RBFOX3: variants seen among roughly 807,000 people sequenced by gnomAD.
RBFOX3 encodes the protein RNA binding fox-1 homolog 3.
Under a neutral mutation model 48.7 loss-of-function variants are expected in RBFOX3, and 17 were observed. That is an observed-to-expected ratio of 0.35 (90% CI 0.24 to 0.52). RBFOX3 has a LOEUF of 0.52. Ranked by LOEUF, RBFOX3 falls within the 20% of genes least tolerant of loss-of-function variation. RBFOX3 has a pLI of 0.94. For missense variants in RBFOX3, 382 were observed against 497.5 expected, an observed-to-expected ratio of 0.77 and a Z score of 2.21; for synonymous variants, 212 against 209.5, an observed-to-expected ratio of 1.01 and a Z score of -0.10.
Position 79,535,086 on chromosome 17 carries a change from A to T in RBFOX3, c.-319-52488T>A, listed in dbSNP as rs1409850518. On this transcript the variant is annotated intron_variant, in intron 1 of 14. Transcript: ENST00000693108. The surrounding 1 kb of genome is among the most constrained non-coding windows in gnomAD (Gnocchi z 4.5). ...AGCCACGAGGAAGCGTGCCAGTCAC[A>T]TGACGGGAAGTCCAGGCTGTGGCAG... Among the ~76,000 whole-genome samples the T allele has an allele frequency of 6.6e-6, 1 of 152,226 alleles. No individual in the cohort carries two copies. The highest frequency in any genetic ancestry group is 1.5e-5 in the Non-Finnish European group (1 of 68,044).
At chr17:79,293,989 G>T (rs939053839) in intron 3 of RBFOX3, among the ~76,000 whole-genome samples, 1 of 152,190 alleles carries the variant, frequency 6.6e-6, no homozygotes, top group East Asian at 1.9e-4. Context: ...TAGGGCAGGG[G>T]AAGCAATGAC....
chr17:79,627,957 C>T, the RBFOX3 span, among the ~76,000 whole-genome samples: 2 of 150,858 alleles, frequency 1.3e-5, no homozygotes. Flanking sequence ...TCTGTTTGAG[C>T]CCCCATCACT....
intron 3 of RBFOX3, among the ~76,000 whole-genome samples, chr17:79,247,076 T>C (rs551005121): frequency 6.6e-6 from 1 of 152,316 alleles, no homozygotes; most frequent in South Asian, 2.1e-4. Flanking sequence ...TATTCATTCC[T>C]CTAAGATTTT....
intron 2 of RBFOX3, among the ~76,000 whole-genome samples, chr17:79,466,827 C>T (rs77335362): frequency 0.14 from 20,746 of 151,986 alleles, 1,697 homozygotes; most frequent in Middle Eastern, 0.22. Flanking sequence ...AGAGTGCAGC[C>T]GATGAGAGGC....
chr17:79,290,223 G>A (rs1037613304), intron 3 of RBFOX3, among the ~76,000 whole-genome samples: 1 of 152,082 alleles, frequency 6.6e-6, no homozygotes, highest in Non-Finnish European at 1.5e-5. Flanking sequence ...CCTTGTGAAG[G>A]AGGCCTCTTG....
At chr17:79,633,236 C>G in the RBFOX3 span, among the ~76,000 whole-genome samples, 1 of 152,264 alleles carries the variant, frequency 6.6e-6, no homozygotes, top group East Asian at 1.9e-4. Flanking sequence ...ACTCAGCCAC[C>G]TGGGGCTCCT....
At chr17:79,258,644 T>C (rs1430897231) in intron 3 of RBFOX3, among the ~76,000 whole-genome samples, 2 of 152,120 alleles carry the variant, frequency 1.3e-5, no homozygotes. Context: ...ACAGGGAACG[T>C]GGCGAAGTTC....
chr17:79,093,436 C>A (rs2074384528), intron 14 of RBFOX3, among the ~76,000 whole-genome samples: 1 of 152,042 alleles, frequency 6.6e-6, no homozygotes, highest in Non-Finnish European at 1.5e-5. Context: ...CACGGAGGGC[C>A]CAAGAGCCAG....
At chr17:79,232,599 C>G (rs1013960223) in intron 4 of RBFOX3, among the ~76,000 whole-genome samples, 2 of 152,192 alleles carry the variant, frequency 1.3e-5, no homozygotes, top group African/African-American at 4.8e-5. Flanking sequence ...AAATAAACCT[C>G]AATCTATAGC....
At chr17:79,554,372 T>C (rs2091427968) in intron 1 of RBFOX3, among the ~76,000 whole-genome samples, 2 of 147,880 alleles carry the variant, frequency 1.4e-5, no homozygotes. Context: ...CTCTCCATCC[T>C]CACTCACAGT....
chr17:79,232,218 T>G (rs2061120011), intron 4 of RBFOX3, among the ~76,000 whole-genome samples: 1 of 152,150 alleles, frequency 6.6e-6, no homozygotes, highest in African/African-American at 2.4e-5. Context: ...ACTTATAGAT[T>G]CAATTCAATC....
chr17:79,334,137 A>G (rs1172171213), intron 2 of RBFOX3, among the ~76,000 whole-genome samples: 11 of 152,062 alleles, frequency 7.2e-5, no homozygotes, highest in Non-Finnish European at 1.6e-4. Flanking sequence ...TGTTTCTACC[A>G]TCCACCCATT....
In RBFOX3 at chr17:79,423,840, G is replaced by C. The variant is rs62061670; in HGVS notation, c.-175+58614C>G. 0.038 allele frequency: 5,785 copies of C among 153,844 alleles called. 157 individuals are homozygous for C. Among genetic ancestry groups the C allele is most frequent in the South Asian group, 0.068 (329 of 4,826 alleles). 9.5% of individuals were successfully genotyped at this position (153,844 alleles called of 1,614,324 possible). On this transcript the variant is annotated intron_variant, in intron 2 of 14. Coordinates refer to ENST00000693108, the MANE Select transcript of RBFOX3 (RefSeq NM_001350451.2). The surrounding 1 kb of genome is among the most constrained non-coding windows in gnomAD (Gnocchi z 4.9). ...ACCCCATCCCGGATGCCCAGTCCAG[G>C]CGCACACTCAGTCATGTGCTACCCA... is the stretch of plus-strand genomic sequence containing the variant.
chr17:79,437,060 G>A (rs141869558), intron 2 of RBFOX3, among the ~76,000 whole-genome samples: 14 of 152,240 alleles, frequency 9.2e-5, no homozygotes, highest in African/African-American at 3.1e-4. Flanking sequence ...AGGCCGCCCC[G>A]ATTCCCTTCT....
rs1005792414 is a variant in RBFOX3 at position 79,307,840 on chromosome 17, A to T, written c.-174-16T>A. The T allele has an allele frequency of 3.9e-5, 6 of 153,802 alleles. No individual in the cohort carries two copies. Among genetic ancestry groups the T allele is most frequent in the Admixed American group, 1.3e-4 (2 of 15,290 alleles). The allele number at this position is 153,802 out of a possible 1,614,324, so 9.5% of individuals were successfully genotyped here. ...TGACTTCAAGCTGCATTTCAAAAAG[A>T]AAACAAGAGAACAAAACGGTGTTCA... On this transcript the variant is annotated splice_polypyrimidine_tract_variant and intron_variant, in intron 2 of 14. Transcript: ENST00000693108.
chr17:79,230,986 C>T (rs982392033), intron 4 of RBFOX3, among the ~76,000 whole-genome samples: 5 of 151,960 alleles, frequency 3.3e-5, no homozygotes, highest in South Asian at 4.2e-4. Context: ...AGACACTGGA[C>T]GAGATACAGT....
At chr17:79,524,381 T>C (rs1395521544) in intron 1 of RBFOX3, among the ~76,000 whole-genome samples, 3 of 152,194 alleles carry the variant, frequency 2.0e-5, no homozygotes, top group Non-Finnish European at 4.4e-5. Flanking sequence ...CCCAGCTTAA[T>C]GGAGGCAGCC....
Position 79,425,883 on chromosome 17 carries a change from A to C in RBFOX3, c.-175+56571T>G, listed in dbSNP as rs2067269945. ...TGAGGGCAGAGACCCCCTTCCAGGG[A>C]TCTTGCTGCAAAGAGGGGCGGGCAC... On this transcript the variant is annotated intron_variant, in intron 2 of 14. Transcript: ENST00000693108. Among the ~76,000 whole-genome samples, 16 of 152,188 alleles carry C rather than the reference A, an allele frequency of 1.1e-4. No individual in the cohort carries two copies. In the South Asian group the frequency reaches 3.3e-3, roughly 32 times the overall value.
rs903964471 is a variant in RBFOX3, at chr17:79,481,738, T to A, written c.-175+716A>T. ...ATGCTCCGAACTCAACCTGTGTGTA[T>A]CATACGACTGTCATACAACTGTCAT... On this transcript the variant is annotated intron_variant, in intron 2 of 14. Transcript: ENST00000693108. The surrounding 1 kb of genome is among the most constrained non-coding windows in gnomAD (Gnocchi z 5.4). Among the ~76,000 whole-genome samples, 3 of 152,102 alleles carry A rather than the reference T, an allele frequency of 2.0e-5. No homozygotes were observed. Among genetic ancestry groups the A allele is most frequent in the Admixed American group, 2.0e-4 (3 of 15,276 alleles).
Sources: gnomAD v4.1 joint callset for allele counts (sites outside exome capture counted in the v4.1 genomes callset) on GRCh38, gnomAD v4.1.1 for gene constraint, Gnocchi (gnomAD v3.1) non-coding constraint, MANE v1.5 for transcripts, NCBI Gene and HGNC (gene_info 2026-07-23, HGNC 2026-07-21) for gene names.